Variants in NEK11 observed in about 807,000 individuals in gnomAD.
NEK11 encodes the protein serine/threonine-protein kinase Nek11.
NEK11 carries 72 observed loss-of-function variants against 80.7 expected under a neutral mutation model. That is an observed-to-expected ratio of 0.89 (90% CI 0.74 to 1.08). The LOEUF is 1.08. Among genes scored for constraint, NEK11 ranks in the 50% least tolerant of loss-of-function variants. The pLI, the probability that NEK11 is intolerant of heterozygous loss-of-function variation, is 0.00. For synonymous variants in NEK11, 251 were observed against 260.7 expected (o/e 0.96, Z 0.36); for missense variants, 764 against 763.6 (o/e 1.00, Z -0.01).
At chr3:131,222,838 A>G (rs1316147307) in intron 14 of NEK11, among the ~76,000 whole-genome samples, 1 of 152,224 alleles carries the variant, frequency 6.6e-6, no homozygotes, top group Admixed American at 6.5e-5. Flanking sequence ...CGTTTTAACA[A>G]GCCCACAGGT....
At position 131,080,464 on chromosome 3, in the gene NEK11, A is replaced by T. The variant is rs2075080544; in HGVS notation, c.212A>T (p.Asn71Ile). 1.2e-6 allele frequency: 2 copies of T among 1,612,610 alleles called. No individual in the cohort carries two copies. Among genetic ancestry groups the T allele is most frequent in the East Asian group, 2.2e-5 (1 of 44,878 alleles). ...KEISVGELNP[N>I]ETVQANLEAQ... The stretch of plus-strand genomic sequence containing the variant: ...ATATCTGTTGGAGAACTAAATCCAA[A>T]TGAAACTGTACAGGCCAATTTGGAA... Residue 71 changes from asparagine to isoleucine, a missense_variant, in exon 4 of 18, where the codon AAT (asparagine) becomes ATT (isoleucine). Physicochemically the swap from Asn to Ile is moderately radical, Grantham distance 149 (BLOSUM62 -3). Coordinates refer to ENST00000383366, the MANE Select transcript of NEK11 (RefSeq NM_024800.5).
rs1462287708 is a variant in NEK11, at chr3:131,309,323, A to G, written c.1718+35749A>G. 2.6e-5 allele frequency among the ~76,000 whole-genome samples: 4 copies of G among 152,284 alleles called. No individual in the cohort carries two copies. The East Asian group carries it at 7.7e-4, about 29-fold the overall frequency. On this transcript the variant is annotated intron_variant, in intron 17 of 17. Transcript: ENST00000383366. The stretch of plus-strand genomic sequence containing the variant: ...TCTTTCCTAATTGAATCTTTGGGGG[A>G]AGAAACAAAGCAACATAAGCTGGGC...
At chr3:131,049,630 C>T (rs10428246) in intron 3 of NEK11, among the ~76,000 whole-genome samples, 11,066 of 152,182 alleles carry the variant, frequency 0.073, 1,171 homozygotes, top group African/African-American at 0.23. Flanking sequence ...TGTTGTCAAA[C>T]GTGTATTTTC....
chr3:131,184,802 C>A (rs775558346), intron 14 of NEK11: 14 of 837,424 alleles, frequency 1.7e-5, no homozygotes, highest in South Asian at 3.4e-5. Flanking sequence ...CTTTTTGAGT[C>A]CCCTAGCTGT....
At chr3:131,148,101 C>CT (rs1213793127) in intron 7 of NEK11, among the ~76,000 whole-genome samples, 1 of 151,428 alleles carries the variant, frequency 6.6e-6, no homozygotes, top group Non-Finnish European at 1.5e-5. Context: ...TTATAGAATG[C>CT]TTTTTTTGCA....
At chr3:131,118,121 AGCTCT>A (rs1342523681) in intron 5 of NEK11, among the ~76,000 whole-genome samples, 3 of 152,116 alleles carry the variant, frequency 2.0e-5, no homozygotes, top group Non-Finnish European at 4.4e-5. Context: ...TGTCCTAAAT[AGCTCT>A]TATTATTTTG....
intron 3 of NEK11, among the ~76,000 whole-genome samples, chr3:131,067,413 T>C (rs2072242049): frequency 6.6e-6 from 1 of 152,244 alleles, no homozygotes; most frequent in African/African-American, 2.4e-5. Flanking sequence ...ATAGAACCAC[T>C]GATGTTCTCC....
At chr3:131,306,489 A>G (rs1484041207) in intron 17 of NEK11, among the ~76,000 whole-genome samples, 4 of 152,158 alleles carry the variant, frequency 2.6e-5, no homozygotes, top group Admixed American at 6.5e-5. Flanking sequence ...AAAGTGGGCT[A>G]TAGTTGGGTA....
Position 131,336,475 on chromosome 3 carries a change from G to T in NEK11, c.1719-13082G>T, listed in dbSNP as rs569415717. On this transcript the variant is annotated intron_variant, in intron 17 of 17. Transcript: ENST00000383366. ...CTTATACAAAAATTAATTCAAGATG[G>T]TTTAAAGACTTAAACATTAGACCTG... 4.6e-5 allele frequency among the ~76,000 whole-genome samples: 7 copies of T among 152,238 alleles called. No individual in the cohort carries two copies. In the East Asian group the frequency reaches 9.6e-4, roughly 21 times the overall value.
chr3:131,294,025 CT>C (rs141893008), intron 17 of NEK11, among the ~76,000 whole-genome samples: 20,885 of 151,966 alleles, frequency 0.14, 1,749 homozygotes, highest in Admixed American at 0.21. Context: ...AAAGAACCAG[CT>C]TTTGGTCTTC....
At chr3:131,339,541 A>G (rs922789553) in intron 17 of NEK11, among the ~76,000 whole-genome samples, 2 of 152,196 alleles carry the variant, frequency 1.3e-5, no homozygotes, top group African/African-American at 2.4e-5. Flanking sequence ...AGCTGCTTTG[A>G]GAAGTGATTT....
intron 17 of NEK11, among the ~76,000 whole-genome samples, chr3:131,292,789 C>T (rs1395781304): frequency 6.6e-6 from 1 of 151,892 alleles, no homozygotes; most frequent in Non-Finnish European, 1.5e-5. Context: ...TTCATAATTT[C>T]CCTCATATAG....
chr3:131,326,685 G>A (rs1033358524), intron 17 of NEK11, among the ~76,000 whole-genome samples: 3 of 152,078 alleles, frequency 2.0e-5, no homozygotes, highest in Non-Finnish European at 4.4e-5. Flanking sequence ...TGCTGTAGAG[G>A]GGTACCCTCC....
intron 7 of NEK11, among the ~76,000 whole-genome samples, chr3:131,145,649 A>G (rs1025264498): frequency 1.3e-5 from 2 of 152,102 alleles, no homozygotes; most frequent in Non-Finnish European, 2.9e-5. Context: ...CCAACTCAAG[A>G]GAGACTTTCG....
intron 14 of NEK11, among the ~76,000 whole-genome samples, chr3:131,172,614 C>T (rs531653038): frequency 1.4e-4 from 22 of 152,252 alleles, no homozygotes; most frequent in African/African-American, 5.1e-4. Flanking sequence ...TTGTTAATTT[C>T]CAAAAGTGAA....
At chr3:131,272,870 GT>G (rs1220341262) in intron 16 of NEK11, among the ~76,000 whole-genome samples, 1 of 152,046 alleles carries the variant, frequency 6.6e-6, no homozygotes, top group African/African-American at 2.4e-5. Flanking sequence ...CCTTCAGGAT[GT>G]TTCATTAAAA....
chr3:131,333,224 C>T (rs1314105156), intron 17 of NEK11, among the ~76,000 whole-genome samples: 61 of 152,202 alleles, frequency 4.0e-4, no homozygotes, highest in East Asian at 7.7e-4. Flanking sequence ...AGAGAAAGGT[C>T]GGGTTACCCA....
chr3:131,115,956 T>TTCTTTC (rs2081084912), intron 5 of NEK11, among the ~76,000 whole-genome samples: 2 of 143,682 alleles, frequency 1.4e-5, no homozygotes, highest in Non-Finnish European at 3.0e-5. Flanking sequence ...CTTTCTTTCT[T>TTCTTTC]TCTTTCTTTC....
At chr3:131,255,348 C>T (rs1363224283) in intron 16 of NEK11, among the ~76,000 whole-genome samples, 2 of 152,154 alleles carry the variant, frequency 1.3e-5, no homozygotes, top group Admixed American at 1.3e-4. Context: ...GTAGTAATAA[C>T]ACATACCCAG....
Sources: allele counts gnomAD v4.1 joint callset (sites outside exome capture counted in the v4.1 genomes callset), GRCh38; gene constraint gnomAD v4.1.1; transcripts MANE v1.5; gene names NCBI Gene and HGNC (gene_info 2026-07-23, HGNC 2026-07-21).